Variants in HSCB observed in about 807,000 individuals in gnomAD.
HSCB encodes iron-sulfur cluster co-chaperone protein HscB.
A neutral mutation model predicts 31.3 loss-of-function variants in HSCB; 23 were observed. The observed-to-expected ratio is 0.74, with a 90% CI of 0.53 to 1.04. HSCB has a LOEUF of 1.04. Ranked by LOEUF, HSCB falls within the 50% of genes least tolerant of loss-of-function variation. The pLI is 0.00. For synonymous variants in HSCB, 110 were observed against 104.5 expected (o/e 1.05, Z -0.32); for missense variants, 297 against 288.1 (o/e 1.03, Z -0.22).
At chr22:28,755,783 G>A (rs572676029) in intron 5 of HSCB, among the ~76,000 whole-genome samples, 54 of 152,232 alleles carry the variant, frequency 3.5e-4, no homozygotes, top group Non-Finnish European at 6.5e-4. Context: ...GATATTGTAA[G>A]CCAGATAATT....
At position 28,750,247 on chromosome 22, in the gene HSCB, C is replaced by CAAAAAAAAA. The variant is rs563701958; in HGVS notation, c.569-973_569-965dup. 1.7e-3 allele frequency among the ~76,000 whole-genome samples: 111 copies of CAAAAAAAAA among 64,708 alleles called. 6 individuals carry two copies. The highest frequency in any genetic ancestry group is 6.1e-3 in the East Asian group (16 of 2,622). The allele number at this position is 64,708 out of a possible 152,430, so 42.5% of individuals were successfully genotyped here. On this transcript the variant is annotated intron_variant, in intron 4 of 5. Coordinates refer to ENST00000216027, the MANE Select transcript of HSCB (RefSeq NM_172002.5). Reference sequence around the variant, plus strand: ...CTGGGCAACAAGAGCGAAACTGTCTCAAAAAAAAAAAAAAAAAAAAAAAAA... The same window carrying CAAAAAAAAA: ...CTGGGCAACAAGAGCGAAACTGTCTCAAAAAAAAAAAAAAAAAAAAAAAAAAAAAAAAAA...
chr22:28,750,917 C>T (rs1187716571), intron 4 of HSCB, among the ~76,000 whole-genome samples: 5 of 118,664 alleles, frequency 4.2e-5, no homozygotes, highest in African/African-American at 6.5e-5. Flanking sequence ...CAAACTGTTT[C>T]GTGGAGATAA....
chr22:28,756,467 C>T (rs929752255), intron 5 of HSCB, among the ~76,000 whole-genome samples: 410 of 133,542 alleles, frequency 3.1e-3, no homozygotes, highest in Non-Finnish European at 4.3e-3. Context: ...ACCACCCACC[C>T]TTTTTTTTTT....
At chr22:28,749,829 C>T (rs1166370768) in intron 4 of HSCB, among the ~76,000 whole-genome samples, 1 of 152,146 alleles carries the variant, frequency 6.6e-6, no homozygotes, top group Non-Finnish European at 1.5e-5. Context: ...CAGCGTGCTA[C>T]TGACTTTGCG....
chr22:28,746,990 G>A (rs1298698163), intron 4 of HSCB, among the ~76,000 whole-genome samples: 6 of 152,060 alleles, frequency 3.9e-5, no homozygotes, highest in Admixed American at 3.3e-4. Context: ...TCTGAGCCCA[G>A]GAGGCAGAGG....
chr22:28,748,886 TC>T (rs1415802581), intron 4 of HSCB, among the ~76,000 whole-genome samples: 1 of 152,134 alleles, frequency 6.6e-6, no homozygotes, highest in African/African-American at 2.4e-5. Context: ...ACGCCTGTAA[TC>T]CAAGCACTTT....
intron 5 of HSCB, among the ~76,000 whole-genome samples, chr22:28,752,397 C>T (rs2030315506): frequency 6.8e-6 from 1 of 147,668 alleles, no homozygotes; most frequent in Non-Finnish European, 1.5e-5. Flanking sequence ...CGCCACTGCA[C>T]TCCAGCCTGG....
chr22:28,748,125 C>T (rs1251596175), intron 4 of HSCB, among the ~76,000 whole-genome samples: 1 of 152,158 alleles, frequency 6.6e-6, no homozygotes, highest in African/African-American at 2.4e-5. Context: ...GCGGAGGTTG[C>T]AGTGAGCCGA....
In HSCB at chr22:28,742,258, A is replaced by C. The variant is rs1569181214; in HGVS notation, c.163A>C (p.Arg55=). The C allele has an allele frequency of 6.2e-7, 1 of 1,614,082 alleles. No homozygotes were observed. The highest frequency in any genetic ancestry group is 2.2e-5 in the East Asian group (1 of 44,856). Reference sequence around the variant, plus strand: ...CCCATGGGGCCCCGGGCGGGAGGACAGGTTCTTCTGCCCACAGTGCCGAGC... The same window carrying C: ...CCCATGGGGCCCCGGGCGGGAGGACCGGTTCTTCTGCCCACAGTGCCGAGC... ...GGPWGPGRED[R]FFCPQCRALQ... The change falls in exon 1 of 6, where the codon AGG becomes CGG. Residue 55 remains arginine (R), a synonymous_variant. Coordinates refer to ENST00000216027, the MANE Select transcript of HSCB (RefSeq NM_172002.5).
At position 28,742,102 on chromosome 22, in the gene HSCB, C is replaced by CG. The variant is rs779700437; in HGVS notation, c.12dup (p.Arg5GlufsTer64). On this transcript the variant is annotated frameshift_variant, in exon 1 of 6. Coordinates refer to ENST00000216027, the MANE Select transcript of HSCB (RefSeq NM_172002.5). LOFTEE classifies it high-confidence loss of function. Reference sequence around the variant, plus strand: ...TAGATAGGCCGCCGGCCAGATGTGGCGGGGGAGAGCCGGGGCTTTGCTCCG... The same window carrying CG: ...TAGATAGGCCGCCGGCCAGATGTGGCGGGGGGAGAGCCGGGGCTTTGCTCCG... 1 of 1,593,292 alleles carries CG rather than the reference C, an allele frequency of 6.3e-7. No homozygotes were observed. Among genetic ancestry groups the CG allele is most frequent in the Non-Finnish European group, 8.5e-7 (1 of 1,169,808 alleles).
Position 28,744,555 on chromosome 22 carries a change from A to C in HSCB, c.334-60A>C, listed in dbSNP as rs1040039327. ...GATGACTCAACGTCAAAACAAAAAC[A>C]AAAACAAAAAAACTTTGTGATTTGG... On this transcript the variant is annotated intron_variant, in intron 2 of 5. Coordinates refer to ENST00000216027, the MANE Select transcript of HSCB (RefSeq NM_172002.5). 8.9e-6 allele frequency: 12 copies of C among 1,349,600 alleles called. No homozygotes were observed. In the East Asian group the frequency reaches 2.7e-4, roughly 31 times the overall value. 83.6% of individuals were successfully genotyped at this position (1,349,600 alleles called of 1,614,324 possible).
intron 4 of HSCB, among the ~76,000 whole-genome samples, chr22:28,750,755 A>C (rs1337055095): frequency 6.6e-6 from 1 of 152,136 alleles, no homozygotes; most frequent in East Asian, 1.9e-4. Flanking sequence ...TTTGTTTGGC[A>C]TCTTCTCCCT....
intron 5 of HSCB, 103 bp downstream of exon 5, chr22:28,751,391 CTAT>C: frequency 1.6e-6 from 1 of 633,266 alleles, no homozygotes; most frequent in South Asian, 2.1e-5. Flanking sequence ...CCTATGATAG[CTAT>C]ATAGGGAGAT....
intron 4 of HSCB, among the ~76,000 whole-genome samples, chr22:28,750,274 A>AAAAAAAAAC (rs2030140845): frequency 1.4e-5 from 2 of 138,728 alleles, no homozygotes; most frequent in East Asian, 4.7e-4. Flanking sequence ...AAAAAAAAAA[A>AAAAAAAAAC]AACACTTATT....
chr22:28,748,338 C>G (rs1418427004), intron 4 of HSCB, among the ~76,000 whole-genome samples: 1 of 152,138 alleles, frequency 6.6e-6, no homozygotes. Flanking sequence ...AAATTTGCCT[C>G]AAATTCATCC....
chr22:28,746,475 G>A (rs1372504369), intron 4 of HSCB, among the ~76,000 whole-genome samples: 1 of 151,934 alleles, frequency 6.6e-6, no homozygotes, highest in Non-Finnish European at 1.5e-5. Flanking sequence ...GGGTAGGGCT[G>A]GGCACAGTGG....
chr22:28,756,955 C>G, intron 5 of HSCB, 123 bp from the exon 6 acceptor site: 1 of 713,290 alleles, frequency 1.4e-6, no homozygotes, highest in Non-Finnish European at 2.6e-6. Context: ...CTCAGTCTTA[C>G]TGAGGAATTG....
intron 2 of HSCB, among the ~76,000 whole-genome samples, 172 bp downstream of exon 2, chr22:28,744,150 G>T (rs2054643585): frequency 6.6e-6 from 1 of 152,210 alleles, no homozygotes; most frequent in Non-Finnish European, 1.5e-5. Flanking sequence ...CACAGCTTTT[G>T]TCTGACTTCC....
chr22:28,747,018 C>A (rs2029893255), intron 4 of HSCB, among the ~76,000 whole-genome samples: 1 of 152,004 alleles, frequency 6.6e-6, no homozygotes, highest in South Asian at 2.1e-4. Flanking sequence ...GAGCTGAGAT[C>A]ACACCACTGT....
Sources: gnomAD v4.1 joint callset for allele counts (sites outside exome capture counted in the v4.1 genomes callset) on GRCh38, gnomAD v4.1.1 for gene constraint, MANE v1.5 for transcripts, NCBI Gene and HGNC (gene_info 2026-07-23, HGNC 2026-07-21) for gene names.